ENPEP: variants seen among roughly 807,000 people sequenced by gnomAD.
The protein encoded by ENPEP is glutamyl aminopeptidase.
A neutral mutation model predicts 114.5 loss-of-function variants in ENPEP; 103 were observed. The observed-to-expected ratio is 0.90, with a 90% confidence interval of 0.77 to 1.06. ENPEP has a LOEUF of 1.06. ENPEP is among the 50% of genes least tolerant of loss of function. The pLI is 0.00. For missense variants in ENPEP, 1,196 were observed against 1,161.3 expected (o/e 1.03, Z -0.43); for synonymous variants, 420 against 422.0 (o/e 1.00, Z 0.06).
rs1725527500 is a variant in ENPEP, at chr4:110,510,319, G to A, written c.1269G>A (p.Glu423=). 1.2e-5 allele frequency: 19 copies of A among 1,614,170 alleles called. No individual in the cohort carries two copies. Among genetic ancestry groups the A allele is most frequent in the East Asian group, 2.2e-5 (1 of 44,878 alleles). ...WLNEGFASFF[E]FLGVNHAETD... ...ATGAAGGATTTGCTTCTTTCTTTGA[G>A]TTTCTGGGAGTAAACCATGCAGAAA... The change falls in exon 6 of 20, where the codon GAG becomes GAA. Residue 423 remains glutamate, a synonymous_variant. Coordinates refer to ENST00000265162, the MANE Select transcript of ENPEP (RefSeq NM_001977.4).
chr4:110,544,041 A>G lies in ENPEP; in HGVS notation c.2000+971A>G, dbSNP rs376582615. ...GGTGGAAGAATAGTATAGTAGTACT[A>G]AAGGCATGGGGAAACTATTTTACAC... is the stretch of plus-strand genomic sequence containing the variant. On this transcript the variant is annotated intron_variant, in intron 13 of 19. Coordinates refer to ENST00000265162, the MANE Select transcript of ENPEP (RefSeq NM_001977.4). Among the ~76,000 whole-genome samples, 43 of 152,210 alleles carry G rather than the reference A, an allele frequency of 2.8e-4. No individual in the cohort carries two copies. The South Asian group carries it at 3.9e-3, about 14-fold the overall frequency.
intron 3 of ENPEP, among the ~76,000 whole-genome samples, chr4:110,503,324 C>T (rs566014271): frequency 6.6e-6 from 1 of 152,240 alleles, no homozygotes; most frequent in Non-Finnish European, 1.5e-5. Flanking sequence ...GCCTATTCTG[C>T]TGTTAATAAT....
intron 11 of ENPEP, chr4:110,533,339 C>T (rs189807178): frequency 6.2e-6 from 1 of 162,508 alleles, no homozygotes; most frequent in Non-Finnish European, 1.4e-5. Flanking sequence ...TAAATTTAAT[C>T]CTTAATTACT....
chr4:110,531,940 G>T (rs1171786937), intron 11 of ENPEP, among the ~76,000 whole-genome samples: 3 of 152,212 alleles, frequency 2.0e-5, no homozygotes, highest in Admixed American at 6.5e-5. Context: ...ATGAGGACTT[G>T]ATTTAGAATA....
chr4:110,499,189 G>T (rs924097664), intron 3 of ENPEP, among the ~76,000 whole-genome samples: 1 of 152,152 alleles, frequency 6.6e-6, no homozygotes, highest in African/African-American at 2.4e-5. Context: ...AATTACAGAG[G>T]TTAATAATTC....
At chr4:110,508,765 C>T (rs1221377626) in intron 4 of ENPEP, among the ~76,000 whole-genome samples, 1 of 152,188 alleles carries the variant, frequency 6.6e-6, no homozygotes, top group Middle Eastern at 3.4e-3. Context: ...GAGCCGAGAT[C>T]GCACCACTGC....
chr4:110,480,165 G>A (rs1229062545), intron 1 of ENPEP, among the ~76,000 whole-genome samples: 2 of 152,198 alleles, frequency 1.3e-5, no homozygotes, highest in African/African-American at 4.8e-5. Context: ...AGCAGTTGAA[G>A]CTCTCACATT....
chr4:110,538,298 T>C (rs981841447), intron 11 of ENPEP, among the ~76,000 whole-genome samples: 3 of 152,238 alleles, frequency 2.0e-5, no homozygotes, highest in Admixed American at 6.5e-5. Flanking sequence ...TAGATCTTCT[T>C]ATTAACTTGC....
intron 18 of ENPEP, among the ~76,000 whole-genome samples, chr4:110,557,454 T>C (rs796864448): frequency 6.6e-5 from 10 of 152,232 alleles, no homozygotes; most frequent in African/African-American, 2.4e-4. Context: ...GGGACTAACA[T>C]AAGGGAACAG....
intron 8 of ENPEP, among the ~76,000 whole-genome samples, chr4:110,516,926 C>T (rs1725793493): frequency 6.6e-6 from 1 of 152,070 alleles, no homozygotes; most frequent in Admixed American, 6.5e-5. Context: ...CATATATTCC[C>T]TCACTGTAAG....
intron 18 of ENPEP, among the ~76,000 whole-genome samples, chr4:110,556,184 C>T (rs1252771921): frequency 6.6e-6 from 1 of 151,652 alleles, no homozygotes; most frequent in African/African-American, 2.4e-5. Flanking sequence ...TTTTAAATTC[C>T]TGTTTTCTTA....
intron 3 of ENPEP, among the ~76,000 whole-genome samples, chr4:110,497,271 T>A (rs1560554181): frequency 6.6e-6 from 1 of 152,234 alleles, no homozygotes; most frequent in South Asian, 2.1e-4. Flanking sequence ...GTTTTCAGAA[T>A]GAATTTGATT....
intron 10 of ENPEP, among the ~76,000 whole-genome samples, chr4:110,520,761 G>A (rs1166010958): frequency 2.0e-5 from 3 of 152,150 alleles, no homozygotes; most frequent in Non-Finnish European, 4.4e-5. Context: ...CAGGTTCTAG[G>A]TACAGTGTTA....
rs1333298073 is a variant in ENPEP at position 110,558,545 on chromosome 4, T to C, written c.2643-1102T>C. 2.0e-5 allele frequency among the ~76,000 whole-genome samples: 3 copies of C among 152,218 alleles called. No homozygotes were observed. In the East Asian group the frequency reaches 5.8e-4, roughly 29 times the overall value. ...CCTGACCTCAAGCCATCTGTCCACC[T>C]TGAGATCGCAAAGTGCTGGGATTAC... On this transcript the variant is annotated intron_variant, in intron 18 of 19. Transcript: ENST00000265162.
chr4:110,517,474 TAAC>T (rs1725823964), intron 8 of ENPEP, among the ~76,000 whole-genome samples: 1 of 152,326 alleles, frequency 6.6e-6, no homozygotes, highest in Non-Finnish European at 1.5e-5. Flanking sequence ...AATTAATAAA[TAAC>T]AATTTTGGCA....
chr4:110,518,018 A>C (rs1725847130), intron 8 of ENPEP, among the ~76,000 whole-genome samples: 1 of 152,210 alleles, frequency 6.6e-6, no homozygotes, highest in South Asian at 2.1e-4. Context: ...TGTTGCAAAT[A>C]CTAACTTTCT....
chr4:110,478,394 T>C (rs1006237851), intron 1 of ENPEP, among the ~76,000 whole-genome samples: 2 of 150,502 alleles, frequency 1.3e-5, no homozygotes, highest in African/African-American at 4.9e-5. Context: ...AATTACATCA[T>C]TGAAAGCATA....
intron 13 of ENPEP, among the ~76,000 whole-genome samples, chr4:110,544,774 C>T (rs763588688): frequency 6.6e-6 from 1 of 152,116 alleles, no homozygotes; most frequent in Non-Finnish European, 1.5e-5. Context: ...AAGAAAGCCT[C>T]TTGAACAGCT....
rs1727361977 is a variant in ENPEP, at chr4:110,553,389, AT to A, written c.2577del (p.Tyr859Ter). The A allele has an allele frequency of 6.2e-7, 1 of 1,611,562 alleles. No homozygotes were observed. Among genetic ancestry groups the A allele is most frequent in the Non-Finnish European group, 8.5e-7 (1 of 1,178,396 alleles). ...TTTACAGTCATTCGATATATCTCAT[AT>A]AACAGCTATGGGAAGAACATGGCCT... ...DVFTVIRYIS[Y>X]NSYGKNMAWN... is the part of the protein sequence containing the mutation. On this transcript the variant is annotated frameshift_variant, in exon 18 of 20. Transcript: ENST00000265162. LOFTEE classifies it high-confidence loss of function.
Sources: gnomAD v4.1 joint callset for allele counts (sites outside exome capture counted in the v4.1 genomes callset) on GRCh38, gnomAD v4.1.1 for gene constraint, MANE v1.5 for transcripts, NCBI Gene and HGNC (gene_info 2026-07-23, HGNC 2026-07-21) for gene names.